Variants in ADGRG2 observed in about 807,000 individuals in gnomAD.
ADGRG2 encodes G protein-coupled receptor 64.
A neutral mutation model predicts 74.1 loss-of-function variants in ADGRG2; 26 were observed. The ratio of observed to expected loss-of-function variants is 0.35; its 90% CI spans 0.26 to 0.49. The LOEUF is 0.49. Ranked by LOEUF, ADGRG2 falls within the 20% of genes least tolerant of loss-of-function variation. ADGRG2 has a pLI of 0.99. For missense variants in ADGRG2, 619 were observed against 763.1 expected, an observed-to-expected ratio of 0.81 and a Z score of 2.22; for synonymous variants, 296 against 295.2, an observed-to-expected ratio of 1.00 and a Z score of -0.03.
intron 15 of ADGRG2, among the ~76,000 whole-genome samples, chrX:19,018,289 GTTTGTTTT>G (rs1473543981): frequency 9.3e-6 from 1 of 107,993 alleles, no homozygotes; most frequent in African/African-American, 3.5e-5. Context: ...TTGTTTGTTT[GTTTGTTTT>G]TTTTTAATTT....
chrX:19,058,464 G>A (rs780309154), intron 3 of ADGRG2, among the ~76,000 whole-genome samples: 1 of 111,129 alleles, frequency 9.0e-6, no homozygotes, highest in South Asian at 3.8e-4. Flanking sequence ...ATAATTGAAA[G>A]ACAACAGAGC....
intron 24 of ADGRG2, among the ~76,000 whole-genome samples, chrX:19,001,055 T>C (rs1056636414): frequency 9.0e-6 from 1 of 111,077 alleles, no homozygotes; most frequent in Non-Finnish European, 1.9e-5. Context: ...AACTTATACA[T>C]GTCTGGAATG....
chrX:19,026,656 C>T (rs1384053145), intron 11 of ADGRG2, among the ~76,000 whole-genome samples: 1 of 110,588 alleles, frequency 9.0e-6, no homozygotes, highest in African/African-American at 3.3e-5. Context: ...CCACCACGCC[C>T]GGCTAATTTT....
At chrX:19,039,878 G>C (rs2061019856) in intron 4 of ADGRG2, among the ~76,000 whole-genome samples, 1 of 111,963 alleles carries the variant, frequency 8.9e-6, no homozygotes, top group African/African-American at 3.2e-5. Flanking sequence ...TTATGTTCCT[G>C]ATACTCTTCA....
intron 1 of ADGRG2, among the ~76,000 whole-genome samples, chrX:19,083,445 C>A (rs149658638): frequency 6.3e-4 from 70 of 110,865 alleles, no homozygotes; most frequent in African/African-American, 2.3e-3. Context: ...AGAGACCCTG[C>A]TTGGTTAGAC....
At chrX:19,039,324 C>T (rs764183879) in intron 4 of ADGRG2, 10 of 329,259 alleles carry the variant, frequency 3.0e-5, no homozygotes, top group East Asian at 2.9e-4. Context: ...GAGAGGAGAA[C>T]GAGGAGATGT....
At position 19,010,628 on chromosome X, in the gene ADGRG2, G is replaced by T; in HGVS notation, c.1250C>A (p.Ala417Asp). The change falls in exon 17 of 29, where the codon GCC (alanine) becomes GAC (aspartate). Residue 417 changes from alanine to aspartate, a missense_variant. Ala to Asp is a moderately radical substitution (Grantham distance 126). Transcript: ENST00000379869. Reference sequence around the variant, plus strand: ...GAAGTCGTACCTTTGAGCCAGAGGGGCCAGCATGTCAGGCGGGGAATGAAG... The same window carrying T: ...GAAGTCGTACCTTTGAGCCAGAGGGTCCAGCATGTCAGGCGGGGAATGAAG... ...RLLHSPPDMLAPLAQRLLKVV... is the reference protein window; with the variant it reads ...RLLHSPPDMLDPLAQRLLKVV... The T allele has an allele frequency of 1.7e-6, 2 of 1,207,105 alleles. No individual in the cohort carries two copies. Among genetic ancestry groups the T allele is most frequent in the African/African-American group, 3.5e-5 (2 of 57,628 alleles).
intron 7 of ADGRG2, chrX:19,034,637 A>G (rs2060895840): frequency 8.9e-6 from 1 of 112,457 alleles, no homozygotes; most frequent in Admixed American, 9.4e-5. Flanking sequence ...TCACATTGTC[A>G]TTAAGAATCT....
chrX:19,043,093 C>T (rs1233175787), intron 3 of ADGRG2, among the ~76,000 whole-genome samples: 1 of 111,341 alleles, frequency 9.0e-6, no homozygotes, highest in Admixed American at 9.5e-5. Context: ...AGACAGCGGT[C>T]TACTTTGATG....
chrX:19,075,042 A>C (rs1318547589), intron 2 of ADGRG2, among the ~76,000 whole-genome samples: 1 of 111,177 alleles, frequency 9.0e-6, no homozygotes, highest in Non-Finnish European at 1.9e-5. Flanking sequence ...CATATGAAAG[A>C]AAAGTTCAGA....
intron 1 of ADGRG2, among the ~76,000 whole-genome samples, chrX:19,118,623 A>C (rs766677685): frequency 8.9e-6 from 1 of 111,898 alleles, no homozygotes; most frequent in Non-Finnish European, 1.9e-5. Context: ...CCCTGGCCTC[A>C]AGCGATCCTC....
rs1702189030 is a variant in ADGRG2, at chrX:18,990,290, T to C, written c.*574A>G. The C allele has an allele frequency of 8.8e-6, 1 of 113,078 alleles. No homozygotes were observed. Among genetic ancestry groups the C allele is most frequent in the Admixed American group, 9.4e-5 (1 of 10,676 alleles). The allele number at this position is 113,078 out of a possible 1,213,427, so 9.3% of individuals were successfully genotyped here. ...ACTGAGGTTTCTGTATTTCACATCC[T>C]ATATCATCTCCAAAAGGAGCTTTAG... On this transcript the variant is annotated 3_prime_UTR_variant, in exon 29 of 29. Transcript: ENST00000379869.
intron 1 of ADGRG2, among the ~76,000 whole-genome samples, chrX:19,115,494 G>A (rs1005994249): frequency 5.4e-5 from 6 of 112,142 alleles, no homozygotes; most frequent in Non-Finnish European, 9.4e-5. Flanking sequence ...ATGAGGGTTA[G>A]AGAAGACTCA....
intron 1 of ADGRG2, among the ~76,000 whole-genome samples, chrX:19,114,909 C>T (rs916241970): frequency 8.9e-6 from 1 of 111,911 alleles, no homozygotes; most frequent in African/African-American, 3.3e-5. Context: ...AGTAACTTAA[C>T]TTCTCTGTAC....
At chrX:19,059,497 C>T (rs773471121) in intron 3 of ADGRG2, among the ~76,000 whole-genome samples, 7 of 111,366 alleles carry the variant, frequency 6.3e-5, no homozygotes, top group South Asian at 3.8e-4. Flanking sequence ...ATGATGTATG[C>T]GAAGGTGCTT....
chrX:19,062,392 C>T (rs1346427628), intron 3 of ADGRG2, among the ~76,000 whole-genome samples: 1 of 111,869 alleles, frequency 8.9e-6, no homozygotes, highest in Non-Finnish European at 1.9e-5. Flanking sequence ...ATAGACTCTC[C>T]ATCACTCCCC....
chrX:19,068,712 A>G lies in ADGRG2; in HGVS notation c.118+5T>C, dbSNP rs1237053580. ...AAAAAAAATGAAGAAAAACAGACAC[A>G]TTACCTTCCAGGGATGTTACCAGAA... is the stretch of plus-strand genomic sequence containing the variant. On this transcript the variant is annotated splice_donor_5th_base_variant and intron_variant, in intron 3 of 28. Coordinates refer to ENST00000379869, the MANE Select transcript of ADGRG2 (RefSeq NM_001079858.3). 1 of 870,350 alleles carries G rather than the reference A, an allele frequency of 1.1e-6. No homozygotes were observed. Among genetic ancestry groups the G allele is most frequent in the Admixed American group, 2.7e-5 (1 of 37,436 alleles). 71.7% of individuals were successfully genotyped at this position (870,350 alleles called of 1,213,427 possible).
At position 19,014,126 on chromosome X, in the gene ADGRG2, G is replaced by C. The variant is rs111691730; in HGVS notation, c.711-52C>G. 4.0e-6 allele frequency: 4 copies of C among 998,239 alleles called. No homozygotes were observed. The Admixed American group carries it at 9.0e-5, about 22-fold the overall frequency. 82.3% of individuals were successfully genotyped at this position (998,239 alleles called of 1,213,427 possible). On this transcript the variant is annotated intron_variant, in intron 15 of 28. Coordinates refer to ENST00000379869, the MANE Select transcript of ADGRG2 (RefSeq NM_001079858.3). The stretch of plus-strand genomic sequence containing the variant: ...TGTGAGACACGAATGAGCTACAGAG[G>C]GGGCAAGTCTTTCCCCTCTGGCAAT...
At chrX:19,014,682 G>A (rs1423848445) in intron 15 of ADGRG2, among the ~76,000 whole-genome samples, 2 of 111,363 alleles carry the variant, frequency 1.8e-5, no homozygotes, top group African/African-American at 6.5e-5. Context: ...ACCCAGGCTG[G>A]GGTGCAGTGG....
Sources: gnomAD v4.1 joint callset for allele counts (sites outside exome capture counted in the v4.1 genomes callset) on GRCh38, gnomAD v4.1.1 for gene constraint, MANE v1.5 for transcripts, NCBI Gene and HGNC (gene_info 2026-07-23, HGNC 2026-07-21) for gene names.